The following CC2D2A variants were observed in gnomAD, a reference collection of about 807,000 sequenced individuals.
The protein encoded by CC2D2A is coiled-coil and C2 domain containing 2A.
A neutral mutation model predicts 212.9 loss-of-function variants in CC2D2A; 155 were observed. The observed-to-expected ratio is 0.73, with a 90% CI of 0.64 to 0.83. CC2D2A has a LOEUF of 0.83. CC2D2A is among the 40% of genes least tolerant of loss of function. CC2D2A has a pLI of 0.00. For synonymous variants in CC2D2A, 667 were observed against 686.5 expected (o/e 0.97, Z 0.44); for missense variants, 1,856 against 1,956.2 (o/e 0.95, Z 0.97).
intron 3 of CC2D2A, chr4:15,479,444 C>T (rs966260045): frequency 8.1e-6 from 7 of 862,360 alleles, no homozygotes; most frequent in East Asian, 2.7e-5. Context: ...GGGAGAGAAG[C>T]GCCATTTTGA....
intron 13 of CC2D2A, among the ~76,000 whole-genome samples, chr4:15,530,134 G>A (rs913235408): frequency 1.8e-4 from 27 of 152,048 alleles, no homozygotes; most frequent in African/African-American, 5.8e-4. Context: ...ACTACGCCAG[G>A]CTAATTTTTT....
At chr4:15,508,675 T>C (rs1329104129) in intron 6 of CC2D2A, among the ~76,000 whole-genome samples, 4 of 152,194 alleles carry the variant, frequency 2.6e-5, no homozygotes, top group Non-Finnish European at 5.9e-5. Context: ...GAGTTCATTT[T>C]AGGATGGAGA....
intron 31 of CC2D2A, among the ~76,000 whole-genome samples, chr4:15,586,781 A>G (rs1478750458): frequency 2.0e-5 from 3 of 152,228 alleles, no homozygotes; most frequent in Non-Finnish European, 4.4e-5. Flanking sequence ...TGAAACAAGC[A>G]TATATTATCA....
At chr4:15,490,878 CTG>C (rs1715266756) in intron 4 of CC2D2A, among the ~76,000 whole-genome samples, 1 of 152,088 alleles carries the variant, frequency 6.6e-6, no homozygotes, top group South Asian at 2.1e-4. Flanking sequence ...CTGTTCTGTT[CTG>C]TTCTAATTAC....
chr4:15,524,498 T>C (rs1377928179), intron 11 of CC2D2A, among the ~76,000 whole-genome samples: 1 of 145,008 alleles, frequency 6.9e-6, no homozygotes, highest in Non-Finnish European at 1.5e-5. Context: ...CTGCCCAGGC[T>C]GGAGTGCAGT....
At chr4:15,538,235 T>A in intron 16 of CC2D2A, 98 bp downstream of exon 16, 1 of 1,258,990 alleles carries the variant, frequency 7.9e-7, no homozygotes, top group African/African-American at 1.5e-5. Context: ...GAGTGTACAC[T>A]TACTGACCTA....
At chr4:15,528,780 G>C in intron 13 of CC2D2A, 54 bp downstream of exon 13, 2 of 1,236,192 alleles carry the variant, frequency 1.6e-6, no homozygotes, top group South Asian at 2.8e-5. Context: ...ATGTGCACTT[G>C]TTAGAGTTTA....
At position 15,559,208 on chromosome 4, in the gene CC2D2A, A is replaced by C; in HGVS notation, c.2873A>C (p.Lys958Thr). 2 of 1,553,682 alleles carry C rather than the reference A, an allele frequency of 1.3e-6. No homozygotes were observed. The highest frequency in any genetic ancestry group is 1.7e-6 in the Non-Finnish European group (2 of 1,148,430). ...CGAGACAGAAATGTAATAGAAACCA[A>C]GGAACACATAGACACCCATAGGGCC... ...RLRDRNVIET[K>T]EHIDTHRAIV... The change falls in exon 22 of 37, where the codon AAG becomes ACG. Residue 958 changes from lysine to threonine, a missense_variant. Lys to Thr is a moderately conservative substitution (Grantham distance 78). Around this residue, in one of 5 missense-constraint regions of CC2D2A, gnomAD observed 1,512 missense variants for 1,579.3 expected, o/e 0.96. Coordinates refer to ENST00000424120, the MANE Select transcript of CC2D2A (RefSeq NM_001378615.1).
intron 9 of CC2D2A, among the ~76,000 whole-genome samples, 182 bp downstream of exon 9, chr4:15,515,051 C>T (rs760068481): frequency 6.6e-6 from 1 of 152,124 alleles, no homozygotes; most frequent in Non-Finnish European, 1.5e-5. Flanking sequence ...ATTCAACAAA[C>T]ACTTATTGAT....
rs1472068665 is a variant in CC2D2A at position 15,586,247 on chromosome 4, G to A, written c.4065+1G>A. 1.3e-6 allele frequency: 2 copies of A among 1,564,786 alleles called. No individual in the cohort carries two copies. Among genetic ancestry groups the A allele is most frequent in the Non-Finnish European group, 1.7e-6 (2 of 1,151,332 alleles). ...CTGTGACCTCTGGAGCACATCTGAT[G>A]TAAGTAGTTCTTCTTCACAGATTTA... On this transcript the variant is annotated splice_donor_variant, in intron 31 of 36. Transcript: ENST00000424120. LOFTEE classifies it high-confidence loss of function.
Position 15,515,998 on chromosome 4 carries a change from G to A in CC2D2A, c.1011G>A (p.Gln337=), listed in dbSNP as rs986611112. 8 of 1,592,278 alleles carry A rather than the reference G, an allele frequency of 5.0e-6. No homozygotes were observed. The highest frequency in any genetic ancestry group is 1.3e-5 in the African/African-American group (1 of 74,612). Residue 337 remains glutamine (Q), a synonymous_variant, in exon 10 of 37, where the codon CAG becomes CAA. Coordinates refer to ENST00000424120, the MANE Select transcript of CC2D2A (RefSeq NM_001378615.1). The stretch of plus-strand genomic sequence containing the variant: ...TCATGGAGAACAGATTGCTGATGCA[G>A]GACCCCGTAAGTGTGCACCCTCTGC... ...QNIMENRLLM[Q]DPERRWFGDD...
At chr4:15,595,160 A>G (rs1721266593) in intron 33 of CC2D2A, among the ~76,000 whole-genome samples, 1 of 152,164 alleles carries the variant, frequency 6.6e-6, no homozygotes, top group African/African-American at 2.4e-5. Context: ...AAGGGTAGAA[A>G]ATCTGTTTCA....
At chr4:15,477,420 G>A (rs956215514) in intron 2 of CC2D2A, among the ~76,000 whole-genome samples, 6 of 152,000 alleles carry the variant, frequency 3.9e-5, no homozygotes, top group African/African-American at 1.5e-4. Context: ...TGGGAATACA[G>A]CAGTAAACAA....
chr4:15,562,374 T>A (rs1334152936), intron 23 of CC2D2A, among the ~76,000 whole-genome samples: 1 of 152,260 alleles, frequency 6.6e-6, no homozygotes, highest in Non-Finnish European at 1.5e-5. Context: ...CAGTCACATC[T>A]TTGTTTCTGT....
intron 33 of CC2D2A, among the ~76,000 whole-genome samples, chr4:15,594,987 T>A (rs1174789274): frequency 2.7e-5 from 4 of 146,518 alleles, no homozygotes; most frequent in African/African-American, 1.1e-4. Flanking sequence ...AAAAAAAAAT[T>A]TTTTTTTAAG....
chr4:15,597,498 T>A, intron 35 of CC2D2A, 33 bp downstream of exon 35: 1 of 1,509,430 alleles, frequency 6.6e-7, no homozygotes, highest in South Asian at 1.2e-5. Context: ...ACATGTAATC[T>A]GTCACTAGGA....
At chr4:15,483,887 T>C (rs1714841387) in intron 4 of CC2D2A, among the ~76,000 whole-genome samples, 1 of 152,208 alleles carries the variant, frequency 6.6e-6, no homozygotes, top group African/African-American at 2.4e-5. Flanking sequence ...AATTGAGCTG[T>C]TGCAGTTAAG....
chr4:15,511,122 C>A, intron 7 of CC2D2A, 125 bp from the exon 8 acceptor site: 1 of 1,079,554 alleles, frequency 9.3e-7, no homozygotes, highest in African/African-American at 1.7e-5. Flanking sequence ...TTAACTAAGA[C>A]AATATGCTTC....
intron 27 of CC2D2A, 23 bp from the exon 28 acceptor site, chr4:15,570,375 A>T (rs1301690521): frequency 6.9e-7 from 1 of 1,459,684 alleles, no homozygotes; most frequent in Admixed American, 1.9e-5. Flanking sequence ...TTAAGCAATT[A>T]TTACTTCCCA....
Sources: gnomAD v4.1 joint callset for allele counts (sites outside exome capture counted in the v4.1 genomes callset) on GRCh38, gnomAD v4.1.1 for gene constraint, gnomAD v4.1.1 regional missense constraint, MANE v1.5 for transcripts, NCBI Gene and HGNC (gene_info 2026-07-23, HGNC 2026-07-21) for gene names.